The following GPC6 variants were observed in gnomAD, a reference collection of about 807,000 sequenced individuals.
GPC6 encodes glypican 6.
Under a neutral mutation model 55.2 loss-of-function variants are expected in GPC6, and 14 were observed. That is an observed-to-expected ratio of 0.25 (90% CI 0.17 to 0.40). The LOEUF is 0.40. Ranked by LOEUF, GPC6 falls within the 10% of genes least tolerant of loss-of-function variation. GPC6 has a pLI of 1.00. For synonymous variants in GPC6, 278 were observed against 259.6 expected (o/e 1.07, Z -0.68); for missense variants, 641 against 708.5 (o/e 0.90, Z 1.08).
chr13:93,993,574 G>A (rs1881408999), intron 3 of GPC6, among the ~76,000 whole-genome samples: 1 of 151,936 alleles, frequency 6.6e-6, no homozygotes, highest in African/African-American at 2.4e-5. Context: ...GAGATTACAG[G>A]CATGAGCCAG....
At chr13:93,433,865 G>C (rs148609855) in intron 1 of GPC6, among the ~76,000 whole-genome samples, 1 of 152,130 alleles carries the variant, frequency 6.6e-6, no homozygotes, top group Non-Finnish European at 1.5e-5. Flanking sequence ...TAATGCTGAC[G>C]TGAGGGCAAG....
chr13:93,754,676 G>T (rs140379194), intron 2 of GPC6, among the ~76,000 whole-genome samples: 3 of 151,500 alleles, frequency 2.0e-5, no homozygotes, highest in Admixed American at 1.3e-4. Context: ...GTCTAGAGAG[G>T]CATAGAATAG....
chr13:93,289,748 A>G (rs1878258569), intron 1 of GPC6, among the ~76,000 whole-genome samples: 1 of 152,160 alleles, frequency 6.6e-6, no homozygotes. Context: ...TGTGAATTCC[A>G]ATTTATATAA....
At chr13:93,226,232 C>T (rs902607553), upstream of GPC6, among the ~76,000 whole-genome samples, 1 of 152,172 alleles carries the variant, frequency 6.6e-6, no homozygotes. Context: ...TTTCTTGTTG[C>T]TTCTGTGGTC....
At chr13:93,326,045 C>T (rs1292320851) in intron 1 of GPC6, among the ~76,000 whole-genome samples, 1 of 152,060 alleles carries the variant, frequency 6.6e-6, no homozygotes, top group Non-Finnish European at 1.5e-5. Flanking sequence ...TGACAGCTTC[C>T]AGGTCTCTGT....
chr13:94,283,757 G>A (rs988756811), intron 4 of GPC6, among the ~76,000 whole-genome samples: 2 of 152,222 alleles, frequency 1.3e-5, no homozygotes, highest in Admixed American at 1.3e-4. Flanking sequence ...AGGATCTGCT[G>A]ATCATTAGCT....
At position 93,443,301 on chromosome 13, in the gene GPC6, A is replaced by AT. The variant is rs1022992694; in HGVS notation, c.161-101953dup. Among the ~76,000 whole-genome samples, 6 of 151,896 alleles carry AT rather than the reference A, an allele frequency of 4.0e-5. 1 individual carries two copies. The highest frequency in any genetic ancestry group is 2.4e-5 in the African/African-American group (1 of 41,434). ...GCTAGGGACCAATTCTTATGAATAA[A>AT]TTTTTTTTTCTGGTCTTTGCTAACA... On this transcript the variant is annotated intron_variant, in intron 1 of 8. Transcript: ENST00000377047.
chr13:94,002,707 G>T (rs1881859299), intron 3 of GPC6, among the ~76,000 whole-genome samples: 1 of 152,110 alleles, frequency 6.6e-6, no homozygotes, highest in Admixed American at 6.6e-5. Flanking sequence ...AAAACTCCCT[G>T]TCTTGAAATA....
At chr13:93,448,356 C>T (rs1878090866) in intron 1 of GPC6, among the ~76,000 whole-genome samples, 1 of 152,126 alleles carries the variant, frequency 6.6e-6, no homozygotes, top group Non-Finnish European at 1.5e-5. Context: ...CCTTGGTGTA[C>T]AGTATGCTAT....
At chr13:93,365,962 T>C (rs1205561197) in intron 1 of GPC6, among the ~76,000 whole-genome samples, 1 of 152,110 alleles carries the variant, frequency 6.6e-6, no homozygotes, top group Non-Finnish European at 1.5e-5. Flanking sequence ...TCTCCAGCTT[T>C]AGGATTTTAG....
At chr13:93,401,162 G>GTA (rs1166846873) in intron 1 of GPC6, among the ~76,000 whole-genome samples, 1 of 16,172 alleles carries the variant, frequency 6.2e-5, no homozygotes, top group Admixed American at 5.2e-4. Flanking sequence ...TGTCGTGTGT[G>GTA]TGTGTGTGTG....
intron 3 of GPC6, among the ~76,000 whole-genome samples, chr13:93,895,885 A>G (rs1875983286): frequency 6.6e-6 from 1 of 152,082 alleles, no homozygotes; most frequent in Non-Finnish European, 1.5e-5. Flanking sequence ...GGGTGGGAAG[A>G]GCAGTGGAGA....
chr13:94,209,565 G>A (rs1000705623), intron 4 of GPC6, among the ~76,000 whole-genome samples: 5 of 151,958 alleles, frequency 3.3e-5, no homozygotes, highest in African/African-American at 1.2e-4. Context: ...ATTCACTGCG[G>A]GTCTCATCTC....
At chr13:94,383,458 C>T (rs568289784) in intron 7 of GPC6, among the ~76,000 whole-genome samples, 56 of 152,236 alleles carry the variant, frequency 3.7e-4, no homozygotes, top group Non-Finnish European at 7.1e-4. Context: ...TTGCCAGGAG[C>T]GGTGGCTCAC....
chr13:93,308,804 AT>A (rs1025504691), intron 1 of GPC6, among the ~76,000 whole-genome samples: 71 of 152,286 alleles, frequency 4.7e-4, no homozygotes, highest in African/African-American at 1.6e-3. Context: ...TATAATCTTA[AT>A]TTTTTTATGG....
At chr13:93,693,251 CATAA>C (rs1882321147) in intron 2 of GPC6, among the ~76,000 whole-genome samples, 2 of 152,060 alleles carry the variant, frequency 1.3e-5, no homozygotes, top group Admixed American at 1.3e-4. Flanking sequence ...AGTGCTTTCA[CATAA>C]ATAACAATCA....
At chr13:93,505,171 T>C (rs999788006) in intron 1 of GPC6, among the ~76,000 whole-genome samples, 11 of 152,296 alleles carry the variant, frequency 7.2e-5, no homozygotes, top group Non-Finnish European at 1.6e-4. Context: ...AATATAGTAG[T>C]ATATTAGTCA....
intron 4 of GPC6, among the ~76,000 whole-genome samples, chr13:94,103,429 ATTT>A (rs1885937759): frequency 1.3e-5 from 2 of 152,300 alleles, no homozygotes; most frequent in East Asian, 3.9e-4. Context: ...GTCAAATGGT[ATTT>A]CTAGTTCTAG....
chr13:94,377,390 T>C (rs1221927987), intron 6 of GPC6, among the ~76,000 whole-genome samples: 2 of 126,122 alleles, frequency 1.6e-5, no homozygotes, highest in African/African-American at 2.9e-5. Context: ...GCAAAGGACA[T>C]GAACAGACAC....
Sources: gnomAD v4.1 joint callset for allele counts (sites outside exome capture counted in the v4.1 genomes callset) on GRCh38, gnomAD v4.1.1 for gene constraint, MANE v1.5 for transcripts, NCBI Gene and HGNC (gene_info 2026-07-23, HGNC 2026-07-21) for gene names.